NRG3: variants seen among roughly 807,000 people sequenced by gnomAD.
NRG3 encodes pro-neuregulin-3, membrane-bound isoform.
In NRG3, 31 loss-of-function variants were observed where a neutral mutation model predicts 66.9. That is an observed-to-expected ratio of 0.46 (90% confidence interval 0.35 to 0.63). The LOEUF (loss-of-function observed/expected upper bound fraction) is 0.63. NRG3 is among the 20% of genes least tolerant of loss of function. NRG3 has a pLI of 0.00. For synonymous variants in NRG3, 393 were observed against 359.4 expected, an observed-to-expected ratio of 1.09 and a Z score of -1.06; for missense variants, 910 against 878.9, an observed-to-expected ratio of 1.04 and a Z score of -0.45.
intron 2 of NRG3, among the ~76,000 whole-genome samples, chr10:82,658,987 G>T (rs2052096141): frequency 6.6e-6 from 1 of 152,120 alleles, no homozygotes; most frequent in Admixed American, 6.5e-5. Context: ...GAATGAGGAG[G>T]CTATAATTGT....
intron 2 of NRG3, among the ~76,000 whole-genome samples, chr10:82,562,708 T>C (rs758844223): frequency 6.6e-6 from 1 of 151,978 alleles, no homozygotes; most frequent in Non-Finnish European, 1.5e-5. Flanking sequence ...GTTTGTTGGG[T>C]GGCTCTCCTG....
intron 7 of NRG3, among the ~76,000 whole-genome samples, chr10:82,977,141 A>G (rs1852341149): frequency 6.6e-6 from 1 of 152,066 alleles, no homozygotes; most frequent in South Asian, 2.1e-4. Flanking sequence ...GTTGCAGCCA[A>G]CTCTAGCATC....
At chr10:82,675,429 G>C (rs1038455704) in intron 2 of NRG3, among the ~76,000 whole-genome samples, 1 of 152,146 alleles carries the variant, frequency 6.6e-6, no homozygotes, top group African/African-American at 2.4e-5. Flanking sequence ...GTGAAGCCAG[G>C]TGTCAGACAT....
At chr10:82,484,032 T>C (rs1395455758) in intron 2 of NRG3, among the ~76,000 whole-genome samples, 12 of 152,246 alleles carry the variant, frequency 7.9e-5, no homozygotes, top group Admixed American at 7.9e-4. Context: ...TTTAAAATTG[T>C]ATTTGAATCT....
intron 2 of NRG3, among the ~76,000 whole-genome samples, chr10:82,593,119 G>A (rs899995798): frequency 6.6e-6 from 1 of 152,146 alleles, no homozygotes; most frequent in Non-Finnish European, 1.5e-5. Flanking sequence ...CTTTGACCCT[G>A]TTGTTTGCAC....
intron 2 of NRG3, among the ~76,000 whole-genome samples, chr10:82,464,279 C>T (rs1383119531): frequency 1.3e-5 from 2 of 152,118 alleles, no homozygotes; most frequent in Non-Finnish European, 2.9e-5. Context: ...TAGAAGCTGA[C>T]ATTCAGCTCC....
At chr10:82,873,221 T>C (rs1841503448) in intron 4 of NRG3, among the ~76,000 whole-genome samples, 2 of 152,264 alleles carry the variant, frequency 1.3e-5, no homozygotes, top group African/African-American at 4.8e-5. Context: ...CTGACATAAT[T>C]AGAGCAGAAA....
At chr10:82,399,597 G>A (rs2086943145) in intron 2 of NRG3, among the ~76,000 whole-genome samples, 2 of 152,174 alleles carry the variant, frequency 1.3e-5, no homozygotes, top group African/African-American at 2.4e-5. Flanking sequence ...ACTTCTAGTT[G>A]TGTCTTCACT....
At chr10:81,878,086 A>G (rs1365483686) in intron 1 of NRG3, 1 of 1,533,310 alleles carries the variant, frequency 6.5e-7, no homozygotes, top group Non-Finnish European at 8.7e-7. Context: ...TCTTTAAAGA[A>G]AAGCCCAAGG....
At position 82,216,460 on chromosome 10, in the gene NRG3, A is replaced by ATGTGTGTG. The variant is rs141417032; in HGVS notation, c.824-142263_824-142256dup. Among the ~76,000 whole-genome samples the ATGTGTGTG allele has an allele frequency of 4.1e-5, 6 of 146,396 alleles. No homozygotes were observed. In the East Asian group the frequency reaches 6.1e-4, roughly 15 times the overall value. On this transcript the variant is annotated intron_variant, in intron 1 of 8. Transcript: ENST00000372141. ...AAATTAGAAAATACATTTTATATATATGTGTGTGTGTGTGTGTGTGTGTAT... is the reference window on the plus strand; with the variant it reads ...AAATTAGAAAATACATTTTATATATATGTGTGTGTGTGTGTGTGTGTGTGTGTGTGTAT...
chr10:82,471,718 T>C (rs1270427417), intron 2 of NRG3, among the ~76,000 whole-genome samples: 1 of 152,046 alleles, frequency 6.6e-6, no homozygotes, highest in Non-Finnish European at 1.5e-5. Flanking sequence ...CTGGCCAACA[T>C]GGTGAAACCC....
At chr10:82,400,408 A>T (rs535720268) in intron 2 of NRG3, among the ~76,000 whole-genome samples, 3 of 152,238 alleles carry the variant, frequency 2.0e-5, no homozygotes, top group African/African-American at 7.2e-5. Context: ...TAAACTACTG[A>T]TCTTGTTAAA....
chr10:82,908,575 A>G (rs1246402556), intron 4 of NRG3, among the ~76,000 whole-genome samples: 1 of 152,184 alleles, frequency 6.6e-6, no homozygotes, highest in East Asian at 1.9e-4. Flanking sequence ...AACGGCAATC[A>G]GTATGCTAAA....
At chr10:82,716,523 G>A (rs1170083387) in intron 2 of NRG3, among the ~76,000 whole-genome samples, 1 of 152,122 alleles carries the variant, frequency 6.6e-6, no homozygotes, top group Non-Finnish European at 1.5e-5. Context: ...TGGCCCCATC[G>A]AGGTCCTGTT....
At chr10:82,605,885 G>A (rs2047936206) in intron 2 of NRG3, among the ~76,000 whole-genome samples, 1 of 151,646 alleles carries the variant, frequency 6.6e-6, no homozygotes, top group African/African-American at 2.4e-5. Flanking sequence ...AATATACATG[G>A]GATTATAATC....
intron 1 of NRG3, among the ~76,000 whole-genome samples, chr10:82,326,737 C>A (rs1378096379): frequency 6.6e-6 from 1 of 152,126 alleles, no homozygotes; most frequent in Non-Finnish European, 1.5e-5. Flanking sequence ...TTTTCCATTT[C>A]TCAAGAATCA....
At chr10:81,941,390 G>GT (rs1388046610) in intron 1 of NRG3, among the ~76,000 whole-genome samples, 3 of 152,026 alleles carry the variant, frequency 2.0e-5, no homozygotes, top group Non-Finnish European at 4.4e-5. Flanking sequence ...CTTGAAATGT[G>GT]CATTTCTGAG....
intron 2 of NRG3, among the ~76,000 whole-genome samples, chr10:82,734,370 C>T (rs145961025): frequency 3.5e-4 from 54 of 152,280 alleles, no homozygotes; most frequent in African/African-American, 1.0e-3. Flanking sequence ...CTACAAAACT[C>T]CCTACACAAC....
chr10:82,791,787 T>C (rs2135376222), intron 3 of NRG3, among the ~76,000 whole-genome samples: 1 of 152,334 alleles, frequency 6.6e-6, no homozygotes, highest in South Asian at 2.1e-4. Flanking sequence ...CGTTAAACAA[T>C]TGCTGCTGAT....
Sources: gnomAD v4.1 joint callset for allele counts (sites outside exome capture counted in the v4.1 genomes callset) on GRCh38, gnomAD v4.1.1 for gene constraint, MANE v1.5 for transcripts, NCBI Gene and HGNC (gene_info 2026-07-23, HGNC 2026-07-21) for gene names.